Variants in DSCAML1 observed in about 807,000 individuals in gnomAD.
DSCAML1 encodes the protein DS cell adhesion molecule like 1, also known as cell adhesion molecule DSCAML1.
DSCAML1 carries 38 observed loss-of-function variants against 200.5 expected under a neutral mutation model. The observed-to-expected ratio is 0.19, with a 90% CI of 0.15 to 0.25. DSCAML1 has a LOEUF of 0.25. Among genes scored for constraint, DSCAML1 ranks in the 10% least tolerant of loss-of-function variants. DSCAML1 has a pLI of 1.00. For missense variants in DSCAML1, 2,223 were observed against 2,858.8 expected (o/e 0.78, Z 5.07); for synonymous variants, 1,215 against 1,165.0 (o/e 1.04, Z -0.87).
At chr11:117,495,571 CA>C (rs1262356650) in intron 11 of DSCAML1, among the ~76,000 whole-genome samples, 1 of 152,136 alleles carries the variant, frequency 6.6e-6, no homozygotes, top group African/African-American at 2.4e-5. Flanking sequence ...TAGCGGGGGG[CA>C]GGGGGTGGGA....
intron 3 of DSCAML1, among the ~76,000 whole-genome samples, chr11:117,606,889 G>T (rs1295268256): frequency 6.6e-6 from 1 of 152,242 alleles, no homozygotes; most frequent in Non-Finnish European, 1.5e-5. Flanking sequence ...GAAGGAGGGT[G>T]ACATTTGGAT....
At chr11:117,670,217 G>A (rs548163207) in intron 3 of DSCAML1, among the ~76,000 whole-genome samples, 8 of 152,122 alleles carry the variant, frequency 5.3e-5, no homozygotes, top group Admixed American at 2.6e-4. Flanking sequence ...GGAGAGGAGC[G>A]GTGGCTGGAA....
chr11:117,589,066 T>C (rs1488786342), intron 3 of DSCAML1, among the ~76,000 whole-genome samples: 1 of 151,984 alleles, frequency 6.6e-6, no homozygotes, highest in African/African-American at 2.4e-5. Context: ...AGCATTGGGG[T>C]CAGGAGGCAC....
chr11:117,747,573 G>T (rs1341111884), intron 3 of DSCAML1, among the ~76,000 whole-genome samples: 2 of 152,200 alleles, frequency 1.3e-5, no homozygotes, highest in Admixed American at 6.5e-5. Flanking sequence ...CGTAAAGACA[G>T]CAAGTCCTCC....
At chr11:117,721,813 T>TATATATATATA (rs777069693) in intron 3 of DSCAML1, among the ~76,000 whole-genome samples, 2 of 146,600 alleles carry the variant, frequency 1.4e-5, no homozygotes, top group Non-Finnish European at 3.0e-5. Flanking sequence ...ATATATATAT[T>TATATATATATA]TTTTTTTTTT....
chr11:117,760,772 A>G (rs757226139), intron 3 of DSCAML1, among the ~76,000 whole-genome samples: 13 of 152,202 alleles, frequency 8.5e-5, no homozygotes, highest in Non-Finnish European at 1.8e-4. Context: ...ACCATAGCCA[A>G]GTTCCCAGAG....
intron 32 of DSCAML1, among the ~76,000 whole-genome samples, chr11:117,429,436 C>T (rs911757319): frequency 2.0e-5 from 3 of 152,218 alleles, no homozygotes; most frequent in African/African-American, 7.2e-5. Flanking sequence ...CGGAGTCTCG[C>T]TCTGTCATCC....
At chr11:117,628,604 C>T (rs1215194476) in intron 3 of DSCAML1, among the ~76,000 whole-genome samples, 2 of 152,172 alleles carry the variant, frequency 1.3e-5, no homozygotes, top group Non-Finnish European at 2.9e-5. Flanking sequence ...AGCATCTCCT[C>T]CTTGGACTTG....
chr11:117,752,797 G>T (rs2054624323), intron 3 of DSCAML1, among the ~76,000 whole-genome samples: 1 of 152,206 alleles, frequency 6.6e-6, no homozygotes, highest in Non-Finnish European at 1.5e-5. Context: ...CTAGTGTCAG[G>T]GATGAGGCTG....
rs568575412 is a variant in DSCAML1, at chr11:117,558,964, T to C, written c.512-26442A>G. On this transcript the variant is annotated intron_variant, in intron 3 of 32. Transcript: ENST00000651296. ...GGGCCAGGTGGTGGTGCCAAGGTCG[T>C]CTAGCTATTTATCTTACTTCTGTCT... Among the ~76,000 whole-genome samples the C allele has an allele frequency of 2.6e-5, 4 of 152,312 alleles. No individual in the cohort carries two copies. The South Asian group carries it at 8.3e-4, about 32-fold the overall frequency.
rs550174041 is a variant in DSCAML1 at position 117,783,714 on chromosome 11, C to T, written c.47-2904G>A. Among the ~76,000 whole-genome samples, 4 of 152,252 alleles carry T rather than the reference C, an allele frequency of 2.6e-5. No individual in the cohort carries two copies. The South Asian group carries it at 8.3e-4, about 32-fold the overall frequency. ...CTGGGGCTAGAACCCAGCTTTGCCT[C>T]GCCTCAGAGCTGGGGGATGCACCTC... On this transcript the variant is annotated intron_variant, in intron 1 of 32. Transcript: ENST00000651296.
chr11:117,546,682 T>C lies in DSCAML1; in HGVS notation c.512-14160A>G, dbSNP rs570946820. ...GTCTCCGGAGCAGCTCCTAGAGGTC[T>C]TAGGGGTGCAGAGGGTGGGGAGCAG... On this transcript the variant is annotated intron_variant, in intron 3 of 32. Transcript: ENST00000651296. 5.3e-5 allele frequency among the ~76,000 whole-genome samples: 8 copies of C among 152,150 alleles called. No homozygotes were observed. In the East Asian group the frequency reaches 1.5e-3, roughly 29 times the overall value.
At chr11:117,470,762 C>T (rs1437056120) in intron 15 of DSCAML1, among the ~76,000 whole-genome samples, 2 of 152,190 alleles carry the variant, frequency 1.3e-5, no homozygotes, top group Non-Finnish European at 2.9e-5. Context: ...GACAAATCCC[C>T]TGTGGTATAG....
intron 19 of DSCAML1, 89 bp from the exon 20 acceptor site, chr11:117,450,777 A>C: frequency 1.0e-5 from 15 of 1,466,090 alleles, no homozygotes; most frequent in South Asian, 1.4e-5. Context: ...GAGGCAGATC[A>C]ATCTGGGAGA....
intron 3 of DSCAML1, among the ~76,000 whole-genome samples, chr11:117,556,311 T>G (rs942007180): frequency 7.9e-5 from 12 of 152,046 alleles, no homozygotes; most frequent in African/African-American, 2.9e-4. Context: ...GTGGGCTGCA[T>G]GGTGCAGGCT....
In DSCAML1 at chr11:117,503,732, C is replaced by T. The variant is rs1592673474; in HGVS notation, c.2359+113G>A. 7.9e-7 allele frequency: 1 copy of T among 1,259,552 alleles called. No individual in the cohort carries two copies. Among genetic ancestry groups the T allele is most frequent in the African/African-American group, 1.5e-5 (1 of 66,762 alleles). The allele number at this position is 1,259,552 out of a possible 1,614,324, so 78.0% of individuals were successfully genotyped here. On this transcript the variant is annotated intron_variant, in intron 11 of 32. Coordinates refer to ENST00000651296, the MANE Select transcript of DSCAML1 (RefSeq NM_020693.4). This position sits in a 1 kb window ranked among gnomAD's most constrained non-coding sequence, Gnocchi z 5.2. ...CACCTCTCACTAGGAAGCCTTCCTG[C>T]CTCCCCTTCATAGATGAAACGACGG... is the stretch of plus-strand genomic sequence containing the variant.
intron 3 of DSCAML1, among the ~76,000 whole-genome samples, chr11:117,773,976 G>A (rs1376957604): frequency 2.0e-5 from 3 of 152,182 alleles, no homozygotes; most frequent in Non-Finnish European, 4.4e-5. Flanking sequence ...GCCCTATGGG[G>A]CCACCAGCCC....
At chr11:117,462,879 T>G (rs910485437) in intron 17 of DSCAML1, among the ~76,000 whole-genome samples, 2 of 152,196 alleles carry the variant, frequency 1.3e-5, no homozygotes, top group Non-Finnish European at 2.9e-5. Context: ...GCTGGAAACT[T>G]TCTTCTCCCC....
At chr11:117,783,806 A>C (rs1031754404) in intron 1 of DSCAML1, among the ~76,000 whole-genome samples, 60 of 152,104 alleles carry the variant, frequency 3.9e-4, no homozygotes, top group African/African-American at 1.4e-3. Context: ...CAGGCTGGGT[A>C]CTTTTCCCAA....
Sources: gnomAD v4.1 joint callset for allele counts (sites outside exome capture counted in the v4.1 genomes callset) on GRCh38, gnomAD v4.1.1 for gene constraint, Gnocchi (gnomAD v3.1) non-coding constraint, MANE v1.5 for transcripts, NCBI Gene and HGNC (gene_info 2026-07-23, HGNC 2026-07-21) for gene names.